CHRNA7: variants seen among roughly 807,000 people sequenced by gnomAD.
CHRNA7 encodes neuronal acetylcholine receptor subunit alpha-7.
A neutral mutation model predicts 48.0 loss-of-function variants in CHRNA7; 17 were observed. That is an observed-to-expected ratio of 0.35 (90% CI 0.24 to 0.53). The LOEUF is 0.53. Ranked by LOEUF, CHRNA7 falls within the 20% of genes least tolerant of loss-of-function variation. CHRNA7 has a pLI of 0.92. For synonymous variants in CHRNA7, 75 were observed against 242.3 expected (o/e 0.31, Z 6.41); for missense variants, 155 against 577.7 (o/e 0.27, Z 7.50).
In CHRNA7 at chr15:32,030,518, T is replaced by C; in HGVS notation, c.-77T>C. ...CGCGCGAGCCGAGCGGCGAGGTGCC[T>C]CTGTGGCCGCAGGCGCAGGCCCGGG... On this transcript the variant is annotated 5_prime_UTR_variant, in exon 1 of 10. Coordinates refer to ENST00000306901, the MANE Select transcript of CHRNA7 (RefSeq NM_000746.6). 1 of 1,327,404 alleles carries C rather than the reference T, an allele frequency of 7.5e-7. No homozygotes were observed. The highest frequency in any genetic ancestry group is 1.9e-5 in the South Asian group (1 of 51,440). The allele number at this position is 1,327,404 out of a possible 1,614,324, so 82.2% of individuals were successfully genotyped here. A position where few individuals can be genotyped will look rare whatever the true frequency, so the allele number is the denominator to read the frequency against.
intron 4 of CHRNA7, among the ~76,000 whole-genome samples, chr15:32,123,365 A>G (rs918134353): frequency 1.6e-5 from 2 of 122,782 alleles, no homozygotes; most frequent in African/African-American, 5.2e-5. Context: ...AAATAGTGTC[A>G]TAACTTCCAG....
intron 4 of CHRNA7, among the ~76,000 whole-genome samples, chr15:32,120,982 G>A (rs1321065849): frequency 6.6e-6 from 1 of 151,982 alleles, no homozygotes; most frequent in Non-Finnish European, 1.5e-5. Flanking sequence ...CCCTTCCCGA[G>A]CCTGCTGTGG....
chr15:32,059,273 T>C (rs2049838746), intron 2 of CHRNA7, among the ~76,000 whole-genome samples: 2 of 152,182 alleles, frequency 1.3e-5, no homozygotes, highest in South Asian at 4.2e-4. Flanking sequence ...TGAAGTGCTG[T>C]ATTTTTTTGT....
At chr15:32,033,441 A>G (rs1192816494) in intron 2 of CHRNA7, among the ~76,000 whole-genome samples, 1 of 152,322 alleles carries the variant, frequency 6.6e-6, no homozygotes. Context: ...GGCTATGAGG[A>G]AAACCAACAT....
At chr15:32,101,733 G>A in intron 3 of CHRNA7, 1 of 184,608 alleles carries the variant, frequency 5.4e-6, no homozygotes, top group Non-Finnish European at 1.1e-5. Flanking sequence ...GTTTGAATCA[G>A]GTGGAGTGTT....
chr15:32,065,588 C>CA (rs1433878213), intron 2 of CHRNA7, among the ~76,000 whole-genome samples: 1 of 152,190 alleles, frequency 6.6e-6, no homozygotes, highest in Non-Finnish European at 1.5e-5. Flanking sequence ...TGAAAAGCTC[C>CA]AAAAAACACA....
At chr15:32,107,804 G>A (rs955396515) in intron 3 of CHRNA7, among the ~76,000 whole-genome samples, 22 of 152,092 alleles carry the variant, frequency 1.4e-4, no homozygotes, top group African/African-American at 5.1e-4. Context: ...GAGTGCAATG[G>A]GCAGAAAGCT....
chr15:32,133,274 A>G (rs1566862685), intron 4 of CHRNA7, among the ~76,000 whole-genome samples: 1 of 152,232 alleles, frequency 6.6e-6, no homozygotes, highest in Non-Finnish European at 1.5e-5. Flanking sequence ...AACAGGTCAC[A>G]TAGTTTAGAA....
At chr15:32,057,544 C>T (rs983687531) in intron 2 of CHRNA7, among the ~76,000 whole-genome samples, 6 of 152,062 alleles carry the variant, frequency 3.9e-5, no homozygotes, top group African/African-American at 1.2e-4. Flanking sequence ...AAATATATTT[C>T]GGGTTTTGAA....
At chr15:32,153,237 A>G (rs1173437197) in intron 4 of CHRNA7, among the ~76,000 whole-genome samples, 3 of 151,896 alleles carry the variant, frequency 2.0e-5, no homozygotes, top group East Asian at 1.9e-4. Context: ...CGGCTAACAT[A>G]GTGAAACCCC....
intron 2 of CHRNA7, among the ~76,000 whole-genome samples, chr15:32,038,059 T>TATATATATATATAAATATACATATGTAC (rs1555372380): frequency 1.4e-5 from 2 of 146,138 alleles, no homozygotes; most frequent in African/African-American, 5.0e-5. Flanking sequence ...TGGATATGTA[T>TATATATATATATAAATATACATATGTAC]ATATATATAT....
chr15:32,062,100 CTT>C lies in CHRNA7; in HGVS notation c.195+31066_195+31067del, dbSNP rs548348733. The stretch of plus-strand genomic sequence containing the variant: ...TTCTCATAGACAACCAATTCTAACT[CTT>C]TTAGCTGTTTCTTTGAGATTTACGT... On this transcript the variant is annotated intron_variant, in intron 2 of 9. Coordinates refer to ENST00000306901, the MANE Select transcript of CHRNA7 (RefSeq NM_000746.6). 1.3e-4 allele frequency among the ~76,000 whole-genome samples: 20 copies of C among 152,260 alleles called. No individual in the cohort carries two copies. In the East Asian group the frequency reaches 3.3e-3, roughly 25 times the overall value.
At chr15:32,031,133 T>A (rs1901818068) in intron 2 of CHRNA7, 96 bp downstream of exon 2, 1 of 1,487,990 alleles carries the variant, frequency 6.7e-7, no homozygotes, top group Non-Finnish European at 9.2e-7. Context: ...GGAGCTCGGC[T>A]GGGGCACTCT....
At chr15:32,141,872 A>G (rs534329574) in intron 4 of CHRNA7, among the ~76,000 whole-genome samples, 13 of 152,208 alleles carry the variant, frequency 8.5e-5, no homozygotes, top group African/African-American at 1.2e-4. Flanking sequence ...GCAAACAGGG[A>G]CAATTTGACT....
chr15:32,137,098 G>C (rs1595488529), intron 4 of CHRNA7, among the ~76,000 whole-genome samples: 1 of 148,122 alleles, frequency 6.8e-6, no homozygotes, highest in South Asian at 2.2e-4. Flanking sequence ...GGAGGAAGAA[G>C]TCAAAAGCAT....
chr15:32,078,012 A>G (rs2050160481), intron 2 of CHRNA7, among the ~76,000 whole-genome samples: 2 of 152,112 alleles, frequency 1.3e-5, no homozygotes, highest in Admixed American at 1.3e-4. Flanking sequence ...TCCATATGAG[A>G]TTTGGAGGGA....
chr15:32,061,335 C>T (rs956598773), intron 2 of CHRNA7, among the ~76,000 whole-genome samples: 1 of 152,138 alleles, frequency 6.6e-6, no homozygotes, highest in African/African-American at 2.4e-5. Flanking sequence ...AAAGAACAGC[C>T]TAAGATTGCT....
chr15:32,050,872 C>T (rs1016512020), intron 2 of CHRNA7, among the ~76,000 whole-genome samples: 1 of 152,174 alleles, frequency 6.6e-6, no homozygotes, highest in Non-Finnish European at 1.5e-5. Context: ...ACAGACAGGA[C>T]CCTCAGCTGC....
At chr15:32,116,863 C>G (rs2141290096) in intron 4 of CHRNA7, among the ~76,000 whole-genome samples, 1 of 152,316 alleles carries the variant, frequency 6.6e-6, no homozygotes, top group Non-Finnish European at 1.5e-5. Flanking sequence ...CATCCATTTT[C>G]ATTGAGTGTG....
Sources: allele counts gnomAD v4.1 joint callset (sites outside exome capture counted in the v4.1 genomes callset), GRCh38; gene constraint gnomAD v4.1.1; transcripts MANE v1.5; gene names NCBI Gene and HGNC (gene_info 2026-07-23, HGNC 2026-07-21).